THOC2: variants seen among roughly 807,000 people sequenced by gnomAD.
The protein encoded by THOC2 is THO complex 2.
Under a neutral mutation model 128.4 loss-of-function variants are expected in THOC2, and 10 were observed. The observed-to-expected ratio is 0.08, with a 90% CI of 0.05 to 0.13. The LOEUF is 0.13. Among genes scored for constraint, THOC2 ranks in the 10% least tolerant of loss-of-function variants. THOC2 has a pLI of 1.00. For missense variants in THOC2, 535 were observed against 1,155.7 expected, an observed-to-expected ratio of 0.46 and a Z score of 7.79; for synonymous variants, 393 against 396.9, an observed-to-expected ratio of 0.99 and a Z score of 0.12.
At chrX:123,640,168 T>C (rs1036640563) in intron 16 of THOC2, among the ~76,000 whole-genome samples, 1 of 111,408 alleles carries the variant, frequency 9.0e-6, no homozygotes, top group African/African-American at 3.3e-5. Context: ...GCCTGGGCAA[T>C]AGAGCAAGAC....
intron 15 of THOC2, among the ~76,000 whole-genome samples, chrX:123,642,927 T>C (rs775770941): frequency 2.7e-5 from 3 of 111,246 alleles, no homozygotes; most frequent in Non-Finnish European, 5.7e-5. Context: ...ACTTAAATCA[T>C]GTAAACACAT....
At chrX:123,661,129 G>A (rs2048808029) in intron 12 of THOC2, among the ~76,000 whole-genome samples, 1 of 112,665 alleles carries the variant, frequency 8.9e-6, no homozygotes, top group Non-Finnish European at 1.9e-5. Context: ...TCATGGCCGG[G>A]CACAGTGGCT....
intron 12 of THOC2, among the ~76,000 whole-genome samples, chrX:123,649,829 A>G (rs191838960): frequency 1.6e-3 from 175 of 111,891 alleles, no homozygotes; most frequent in African/African-American, 5.4e-3. Context: ...CCTACGTTTG[A>G]TTGGTGTACC....
chrX:123,632,834 A>G, intron 21 of THOC2, 27 bp downstream of exon 21: 1 of 1,158,203 alleles, frequency 8.6e-7, no homozygotes, highest in Non-Finnish European at 1.2e-6. Flanking sequence ...AAACATGTAC[A>G]TAAACATAAA....
intron 8 of THOC2, among the ~76,000 whole-genome samples, chrX:123,683,447 G>A (rs2049872558): frequency 9.0e-6 from 1 of 111,029 alleles, no homozygotes; most frequent in Non-Finnish European, 1.9e-5. Flanking sequence ...ATATGCTTGG[G>A]AGCCAACTCT....
rs748941036 is a variant in THOC2 at position 123,624,521 on chromosome X, A to C, written c.3186+20T>G. 5 of 1,197,993 alleles carry C rather than the reference A, an allele frequency of 4.2e-6. No individual in the cohort carries two copies. The highest frequency in any genetic ancestry group is 5.6e-6 in the Non-Finnish European group (5 of 887,813). ...TCATTATATACATGGGTAAAATATAAGGGTTTTTATTAGTCATACCTTTTC... is the reference window on the plus strand; with the variant it reads ...TCATTATATACATGGGTAAAATATACGGGTTTTTATTAGTCATACCTTTTC... On this transcript the variant is annotated intron_variant, in intron 26 of 38. Coordinates refer to ENST00000245838, the MANE Select transcript of THOC2 (RefSeq NM_001081550.2).
At chrX:123,613,282 A>G (rs1382214004) in intron 36 of THOC2, 117 bp downstream of exon 36, 1 of 730,219 alleles carries the variant, frequency 1.4e-6, no homozygotes, top group Non-Finnish European at 2.0e-6. Flanking sequence ...TCTTCTTCCC[A>G]CTCCTAAATA....
Position 123,621,466 on chromosome X carries a change from G to A in THOC2, c.3907C>T (p.Pro1303Ser). The A allele has an allele frequency of 8.3e-7, 1 of 1,210,534 alleles. No individual in the cohort carries two copies. Among genetic ancestry groups the A allele is most frequent in the South Asian group, 1.8e-5 (1 of 56,862 alleles). The change falls in exon 31 of 39, where the codon CCA (proline) becomes TCA (serine). Residue 1303 changes from proline to serine, a missense_variant. By Grantham distance (74) the Pro-to-Ser change is moderately conservative. Around this residue, in one of 9 missense-constraint regions of THOC2, gnomAD observed 116 missense variants for 180.0 expected, o/e 0.64. Coordinates refer to ENST00000245838, the MANE Select transcript of THOC2 (RefSeq NM_001081550.2). The stretch of plus-strand genomic sequence containing the variant: ...TCTTTATTTGGCCGCTCTTCCTTTG[G>A]TTTTTCTTTACCATCTTTACCAAGT... ...RVLGKDGKEK[P>S]KEERPNKDEK... is the part of the protein sequence containing the mutation.
intron 8 of THOC2, among the ~76,000 whole-genome samples, chrX:123,672,148 GTTTTT>G (rs199576948): frequency 9.1e-6 from 1 of 109,792 alleles, no homozygotes; most frequent in Non-Finnish European, 1.9e-5. Context: ...GTTTTGGAGG[GTTTTT>G]TTTGAGACAG....
At chrX:123,608,921 C>A (rs1045715156) in intron 38 of THOC2, among the ~76,000 whole-genome samples, 4 of 112,252 alleles carry the variant, frequency 3.6e-5, no homozygotes, top group African/African-American at 9.7e-5. Flanking sequence ...AAATATCTAA[C>A]CCTGACCAGT....
chrX:123,661,726 T>C (rs1297654329), intron 12 of THOC2, among the ~76,000 whole-genome samples: 3 of 111,944 alleles, frequency 2.7e-5, no homozygotes, highest in Non-Finnish European at 5.6e-5. Flanking sequence ...TATATAGTAA[T>C]AATTAACTAC....
rs1052834414 is a variant in THOC2 at position 123,600,855 on chromosome X, A to G, written c.*502T>C. 3 of 112,720 alleles carry G rather than the reference A, an allele frequency of 2.7e-5. No individual in the cohort carries two copies. 9.3% of individuals were successfully genotyped at this position (112,720 alleles called of 1,213,427 possible). On this transcript the variant is annotated 3_prime_UTR_variant, in exon 39 of 39. Coordinates refer to ENST00000245838, the MANE Select transcript of THOC2 (RefSeq NM_001081550.2). Reference sequence around the variant, plus strand: ...ACATGTACTATATAAAATGATTCCTAAGCATTTCATAAGACAATGCTCCCA... The same window carrying G: ...ACATGTACTATATAAAATGATTCCTGAGCATTTCATAAGACAATGCTCCCA...
intron 4 of THOC2, among the ~76,000 whole-genome samples, chrX:123,700,318 G>C (rs981412476): frequency 9.2e-6 from 1 of 108,265 alleles, no homozygotes; most frequent in Non-Finnish European, 1.9e-5. Context: ...CTGGCCAACA[G>C]GGCGAAACCC....
Position 123,603,541 on chromosome X carries a change from G to A in THOC2, c.*19-2203C>T. On this transcript the variant is annotated intron_variant, in intron 38 of 38. Coordinates refer to ENST00000245838, the MANE Select transcript of THOC2 (RefSeq NM_001081550.2). ...CCTTGCTGTAAGAAACTGCCTGGAG[G>A]TGAAAATAATGTTCTGAAAATCAGT... 3 of 882,526 alleles carry A rather than the reference G, an allele frequency of 3.4e-6. No individual in the cohort carries two copies. The South Asian group carries it at 6.3e-5, about 19-fold the overall frequency. The allele number at this position is 882,526 out of a possible 1,213,427, so 72.7% of individuals were successfully genotyped here.
At chrX:123,656,330 TAAAAAAAAA>T (rs758091588) in intron 12 of THOC2, among the ~76,000 whole-genome samples, 6 of 37,967 alleles carry the variant, frequency 1.6e-4, no homozygotes, top group African/African-American at 6.2e-4. Flanking sequence ...AGACTCCGTC[TAAAAAAAAA>T]AAAAAAAAAA....
chrX:123,692,073 AGAAAG>A (rs1035991117), intron 7 of THOC2, among the ~76,000 whole-genome samples: 64 of 112,058 alleles, frequency 5.7e-4, no homozygotes, highest in African/African-American at 2.1e-3. Flanking sequence ...CTGATTTAGA[AGAAAG>A]GAAAGGAAAG....
intron 12 of THOC2, among the ~76,000 whole-genome samples, chrX:123,661,043 T>C (rs2048804083): frequency 8.9e-6 from 1 of 112,424 alleles, no homozygotes; most frequent in East Asian, 2.8e-4. Flanking sequence ...AAGGTCTTTA[T>C]GTTAAGTGAA....
intron 12 of THOC2, among the ~76,000 whole-genome samples, chrX:123,662,648 G>A (rs1050020914): frequency 5.6e-5 from 6 of 107,448 alleles, no homozygotes; most frequent in Non-Finnish European, 1.2e-4. Flanking sequence ...ATTTTTTGCT[G>A]TCAAAAGATA....
intron 12 of THOC2, among the ~76,000 whole-genome samples, chrX:123,651,761 T>A (rs766383367): frequency 9.2e-5 from 9 of 97,747 alleles, no homozygotes; most frequent in Non-Finnish European, 8.1e-5. Flanking sequence ...AGAAGTGGAA[T>A]CCCTGAATAG....
Sources: gnomAD v4.1 joint callset for allele counts (sites outside exome capture counted in the v4.1 genomes callset) on GRCh38, gnomAD v4.1.1 for gene constraint, gnomAD v4.1.1 regional missense constraint, MANE v1.5 for transcripts, NCBI Gene and HGNC (gene_info 2026-07-23, HGNC 2026-07-21) for gene names.